PAQR5: variants seen among roughly 807,000 people sequenced by gnomAD.
The protein encoded by PAQR5 is progestin and adipoQ receptor family member 5.
PAQR5 carries 20 observed loss-of-function variants against 34.5 expected under a neutral mutation model. The ratio of observed to expected loss-of-function variants is 0.58; its 90% CI spans 0.41 to 0.84. PAQR5 has a LOEUF of 0.84. PAQR5 is among the 40% of genes least tolerant of loss of function. PAQR5 has a pLI of 0.00. For missense variants in PAQR5, 378 were observed against 412.7 expected, an observed-to-expected ratio of 0.92 and a Z score of 0.73; for synonymous variants, 131 against 155.6, an observed-to-expected ratio of 0.84 and a Z score of 1.18.
chr15:69,395,552 C>G (rs773007309), intron 6 of PAQR5, among the ~76,000 whole-genome samples: 1 of 152,162 alleles, frequency 6.6e-6, no homozygotes, highest in Non-Finnish European at 1.5e-5. Context: ...CTAAACACCT[C>G]GGGAGCATCG....
At chr15:69,377,594 T>G (rs2055742283) in intron 3 of PAQR5, among the ~76,000 whole-genome samples, 1 of 152,212 alleles carries the variant, frequency 6.6e-6, no homozygotes, top group East Asian at 1.9e-4. Context: ...AGAACTGAAC[T>G]AAGAGTTGTC....
Position 69,400,124 on chromosome 15 carries a change from G to T in PAQR5, c.751+9G>T, listed in dbSNP as rs754710048. The T allele has an allele frequency of 1.2e-5, 20 of 1,610,178 alleles. 1 individual carries two copies. Among genetic ancestry groups the T allele is most frequent in the Non-Finnish European group, 1.7e-5 (20 of 1,178,050 alleles). On this transcript the variant is annotated intron_variant, in intron 8 of 8. Coordinates refer to ENST00000395407, the MANE Select transcript of PAQR5 (RefSeq NM_017705.4). The stretch of plus-strand genomic sequence containing the variant: ...ACGCTTTGACTACATCGGTGAGTGG[G>T]CAACAGCCCTGCTGCTCTGCTCATT...
At position 69,339,158 on chromosome 15, in the gene PAQR5, C is replaced by A. The variant is rs556306386; in HGVS notation, c.-116+1657C>A. ...ATCCCTGACCAGTCACCACTCCTGG[C>A]CCACTGGCTACACCCCCCACCCCGC... On this transcript the variant is annotated intron_variant, in intron 2 of 8. Coordinates refer to ENST00000395407, the MANE Select transcript of PAQR5 (RefSeq NM_017705.4). Among the ~76,000 whole-genome samples, 110 of 102,632 alleles carry A rather than the reference C, an allele frequency of 1.1e-3. 2 individuals carry two copies. The highest frequency in any genetic ancestry group is 2.0e-3 in the Non-Finnish European group (88 of 44,264). The allele number at this position is 102,632 out of a possible 152,430, so 67.3% of individuals were successfully genotyped here. A position where few individuals can be genotyped will look rare whatever the true frequency, so the allele number is the denominator to read the frequency against.
chr15:69,348,649 C>T lies in PAQR5; in HGVS notation c.-116+11148C>T, dbSNP rs187108747. ...TGTTCCAAGACGTTCCAAGTGAAGG[C>T]CTGAACTGCATATAGTACTAGACTC... On this transcript the variant is annotated intron_variant, in intron 2 of 8. Coordinates refer to ENST00000395407, the MANE Select transcript of PAQR5 (RefSeq NM_017705.4). Among the ~76,000 whole-genome samples, 8 of 152,212 alleles carry T rather than the reference C, an allele frequency of 5.3e-5. No individual in the cohort carries two copies. In the East Asian group the frequency reaches 7.7e-4, roughly 15 times the overall value.
chr15:69,355,767 A>G (rs2055061948), intron 2 of PAQR5, among the ~76,000 whole-genome samples: 1 of 151,942 alleles, frequency 6.6e-6, no homozygotes, highest in Non-Finnish European at 1.5e-5. Context: ...GGAGACAAGG[A>G]TAGTCTTATT....
chr15:69,332,590 T>C (rs779488638), intron 1 of PAQR5, among the ~76,000 whole-genome samples: 18 of 152,092 alleles, frequency 1.2e-4, no homozygotes, highest in Non-Finnish European at 2.1e-4. Context: ...CTTTGCTTTT[T>C]GACAATGGCA....
intron 3 of PAQR5, among the ~76,000 whole-genome samples, chr15:69,370,317 A>T (rs1357047656): frequency 6.6e-6 from 1 of 152,224 alleles, no homozygotes; most frequent in Non-Finnish European, 1.5e-5. Context: ...ATGGGTCGAC[A>T]GTCCTTGTCT....
At chr15:69,390,890 G>A (rs1455660823) in intron 6 of PAQR5, among the ~76,000 whole-genome samples, 3 of 151,134 alleles carry the variant, frequency 2.0e-5, no homozygotes, top group Non-Finnish European at 4.4e-5. Context: ...ATGTTGTTAT[G>A]GGGATAACTA....
intron 1 of PAQR5, among the ~76,000 whole-genome samples, chr15:69,300,464 G>T (rs2053508379): frequency 6.6e-6 from 1 of 152,084 alleles, no homozygotes; most frequent in Admixed American, 6.6e-5. Flanking sequence ...GATCAGAAAG[G>T]TGTCCAGCCC....
chr15:69,338,559 C>G (rs542107835), intron 2 of PAQR5, among the ~76,000 whole-genome samples: 1 of 152,328 alleles, frequency 6.6e-6, no homozygotes, highest in South Asian at 2.1e-4. Context: ...CTCTTCTCAC[C>G]TTGGGGTTCA....
Position 69,360,027 on chromosome 15 carries a change from G to C in PAQR5, c.-54G>C. On this transcript the variant is annotated 5_prime_UTR_variant, in exon 3 of 9. Coordinates refer to ENST00000395407, the MANE Select transcript of PAQR5 (RefSeq NM_017705.4). ...AGGCCATGTTAGAGCTTTGAGTGAG[G>C]CCTGGTAACAGGGAGGCGCTGTCAC... The C allele has an allele frequency of 7.0e-7, 1 of 1,425,326 alleles. No individual in the cohort carries two copies. Among genetic ancestry groups the C allele is most frequent in the South Asian group, 1.1e-5 (1 of 87,030 alleles). The allele number at this position is 1,425,326 out of a possible 1,614,324, so 88.3% of individuals were successfully genotyped here. A position where few individuals can be genotyped will look rare whatever the true frequency, so the allele number is the denominator to read the frequency against.
rs904402806 is a variant in PAQR5, at chr15:69,395,781, G to C, written c.513-1687G>C. 1.3e-5 allele frequency among the ~76,000 whole-genome samples: 2 copies of C among 151,928 alleles called. 1 individual carries two copies. Among genetic ancestry groups the C allele is most frequent in the South Asian group, 4.2e-4 (2 of 4,806 alleles). On this transcript the variant is annotated intron_variant, in intron 6 of 8. Coordinates refer to ENST00000395407, the MANE Select transcript of PAQR5 (RefSeq NM_017705.4). Reference sequence around the variant, plus strand: ...CTCTCCGGGAGTTTGGTTCTTTTTCGGGGGGGATGATGCATCCTAGTTCCT... The same window carrying C: ...CTCTCCGGGAGTTTGGTTCTTTTTCCGGGGGGATGATGCATCCTAGTTCCT...
intron 2 of PAQR5, among the ~76,000 whole-genome samples, chr15:69,349,017 A>G (rs2054843958): frequency 6.6e-6 from 1 of 152,170 alleles, no homozygotes; most frequent in Admixed American, 6.5e-5. Flanking sequence ...TGATGTGGGG[A>G]GCACTCTACC....
intron 5 of PAQR5, among the ~76,000 whole-genome samples, chr15:69,387,852 C>T (rs532198561): frequency 5.3e-5 from 8 of 152,268 alleles, no homozygotes; most frequent in African/African-American, 1.4e-4. Flanking sequence ...GGCTGCACCA[C>T]GGGAGCCTCA....
intron 1 of PAQR5, among the ~76,000 whole-genome samples, chr15:69,330,485 C>A (rs1292722976): frequency 6.6e-6 from 1 of 152,216 alleles, no homozygotes; most frequent in Non-Finnish European, 1.5e-5. Flanking sequence ...CCTCCCTAGA[C>A]TGCTCTTAAG....
At chr15:69,388,271 G>T (rs1484715558) in intron 5 of PAQR5, among the ~76,000 whole-genome samples, 1 of 152,170 alleles carries the variant, frequency 6.6e-6, no homozygotes, top group East Asian at 1.9e-4. Context: ...TCCTTCAGTG[G>T]CTCCCTTAGT....
At chr15:69,394,910 T>A (rs540498102) in intron 6 of PAQR5, among the ~76,000 whole-genome samples, 34 of 152,334 alleles carry the variant, frequency 2.2e-4, no homozygotes, top group Non-Finnish European at 3.8e-4. Flanking sequence ...CCTTCTCTTT[T>A]CCCTCTAGAC....
intron 1 of PAQR5, among the ~76,000 whole-genome samples, chr15:69,303,524 C>T (rs2053649558): frequency 6.6e-6 from 1 of 151,828 alleles, no homozygotes; most frequent in African/African-American, 2.4e-5. Context: ...AAATAGTGCC[C>T]TCTTCAGGCA....
At chr15:69,389,342 C>T (rs1055841569) in intron 5 of PAQR5, among the ~76,000 whole-genome samples, 2 of 152,222 alleles carry the variant, frequency 1.3e-5, no homozygotes, top group Non-Finnish European at 2.9e-5. Flanking sequence ...CCTCTCTATC[C>T]CTCTGCTTCC....
Sources: allele counts gnomAD v4.1 joint callset (sites outside exome capture counted in the v4.1 genomes callset), GRCh38; gene constraint gnomAD v4.1.1; transcripts MANE v1.5; gene names NCBI Gene and HGNC (gene_info 2026-07-23, HGNC 2026-07-21).